AP3S2: variants seen among roughly 807,000 people sequenced by gnomAD.
AP3S2 encodes AP-3 complex subunit sigma-2.
In AP3S2, 22 loss-of-function variants were observed where a neutral mutation model predicts 23.4. That is an observed-to-expected ratio of 0.94 (90% CI 0.67 to 1.34). AP3S2 has a LOEUF of 1.34. AP3S2 is among the 40% of genes most tolerant of loss of function. The probability of loss-of-function intolerance (pLI) is 0.00; values close to 1 mark genes in which losing one functional copy is unlikely to be tolerated. For synonymous variants in AP3S2, 86 were observed against 87.1 expected (o/e 0.99, Z 0.07); for missense variants, 241 against 236.9 (o/e 1.02, Z -0.11).
At chr15:89,849,211 A>G (rs907908933) in intron 4 of AP3S2, among the ~76,000 whole-genome samples, 1 of 152,214 alleles carries the variant, frequency 6.6e-6, no homozygotes, top group Admixed American at 6.5e-5. Flanking sequence ...TATGCATGAA[A>G]GAGACATTAA....
intron 5 of AP3S2, among the ~76,000 whole-genome samples, chr15:89,836,844 A>C (rs568364224): frequency 2.0e-5 from 3 of 152,244 alleles, no homozygotes; most frequent in Non-Finnish European, 2.9e-5. Context: ...CTTCTTCCAC[A>C]GGACTGCCAG....
At chr15:89,872,513 GTATC>G (rs1390687598) in intron 3 of AP3S2, among the ~76,000 whole-genome samples, 1 of 152,102 alleles carries the variant, frequency 6.6e-6, no homozygotes, top group Non-Finnish European at 1.5e-5. Flanking sequence ...TACAACCTAG[GTATC>G]TATCTATAAC....
intron 4 of AP3S2, among the ~76,000 whole-genome samples, chr15:89,839,033 G>T (rs1895262341): frequency 6.6e-6 from 1 of 152,092 alleles, no homozygotes; most frequent in South Asian, 2.1e-4. Context: ...TGTCACTGTG[G>T]CCTGTTCTCT....
intron 4 of AP3S2, among the ~76,000 whole-genome samples, chr15:89,857,234 G>C (rs1331725205): frequency 6.6e-6 from 1 of 152,118 alleles, no homozygotes. Flanking sequence ...CATCCACCTC[G>C]GCCTCCCAAA....
At chr15:89,885,480 G>A (rs1354453774) in intron 3 of AP3S2, among the ~76,000 whole-genome samples, 2 of 152,198 alleles carry the variant, frequency 1.3e-5, no homozygotes, top group Non-Finnish European at 2.9e-5. Flanking sequence ...TAGGATTACA[G>A]GCATGTGCCA....
chr15:89,842,329 G>A (rs1339056628), intron 4 of AP3S2, among the ~76,000 whole-genome samples: 1 of 152,182 alleles, frequency 6.6e-6, no homozygotes, highest in African/African-American at 2.4e-5. Flanking sequence ...GTAAAGATAT[G>A]TTCATAAAGA....
intron 3 of AP3S2, 61 bp downstream of exon 3, chr15:89,888,460 T>C: frequency 6.5e-7 from 1 of 1,532,068 alleles, no homozygotes; most frequent in Non-Finnish European, 9.0e-7. Flanking sequence ...ACAGGCTGGT[T>C]ACTCAAAAAT....
chr15:89,877,429 G>A, intron 3 of AP3S2: 1 of 1,279,936 alleles, frequency 7.8e-7, no homozygotes, highest in Non-Finnish European at 1.0e-6. Context: ...TTTAAGCTGT[G>A]GTAAAATACA....
intron 1 of AP3S2, among the ~76,000 whole-genome samples, chr15:89,892,305 CTAAAATTGAT>C (rs1323757510): frequency 2.6e-5 from 4 of 152,092 alleles, no homozygotes; most frequent in African/African-American, 9.7e-5. Flanking sequence ...TGAAAATGAT[CTAAAATTGAT>C]TGTGGTGATG....
intron 4 of AP3S2, among the ~76,000 whole-genome samples, chr15:89,858,373 G>A (rs1165786462): frequency 1.3e-5 from 2 of 151,684 alleles, no homozygotes; most frequent in Non-Finnish European, 2.9e-5. Context: ...CCCAGGAGGT[G>A]GAGGTTGCAG....
At chr15:89,851,640 C>G (rs1281270004) in intron 4 of AP3S2, among the ~76,000 whole-genome samples, 1 of 152,134 alleles carries the variant, frequency 6.6e-6, no homozygotes, top group Non-Finnish European at 1.5e-5. Context: ...CCCAACTCAA[C>G]TTCTTTTTTA....
At chr15:89,873,720 T>C (rs1384405417) in intron 3 of AP3S2, among the ~76,000 whole-genome samples, 1 of 152,166 alleles carries the variant, frequency 6.6e-6, no homozygotes, top group Non-Finnish European at 1.5e-5. Flanking sequence ...TTTTTATTTC[T>C]AAGAGACCAT....
chr15:89,856,330 A>G (rs1224756993), intron 4 of AP3S2, among the ~76,000 whole-genome samples: 1 of 152,224 alleles, frequency 6.6e-6, no homozygotes, highest in Non-Finnish European at 1.5e-5. Flanking sequence ...TGGGAGGCTG[A>G]GGAGGATGGA....
At position 89,871,544 on chromosome 15, in the gene AP3S2, A is replaced by C; in HGVS notation, c.276T>G (p.Val92=). The C allele has an allele frequency of 6.2e-7, 1 of 1,613,122 alleles. No individual in the cohort carries two copies. The highest frequency in any genetic ancestry group is 8.5e-7 in the Non-Finnish European group (1 of 1,179,742). ...SELGILDLIQ[V]FVETLDKCFE... ...AACACTTATCCAGAGTTTCCACAAA[A>C]ACCTAGAAAACAAGGAGAAATAGAT... is the stretch of plus-strand genomic sequence containing the variant. The change falls in exon 4 of 6, where the codon GTT becomes GTG. Residue 92 remains valine (V), a splice_region_variant and synonymous_variant. Transcript: ENST00000336418.
At chr15:89,838,107 T>G (rs1895240155) in intron 4 of AP3S2, 1 of 178,094 alleles carries the variant, frequency 5.6e-6, no homozygotes, top group African/African-American at 2.4e-5. Flanking sequence ...CCTAGCCTGG[T>G]GCCCAGGACA....
chr15:89,845,215 TTTC>T (rs1382367690), intron 4 of AP3S2: 18 of 152,148 alleles, frequency 1.2e-4, no homozygotes, highest in Admixed American at 1.1e-3. Flanking sequence ...CCAGAATAAT[TTTC>T]TTTTCTCCCT....
chr15:89,882,912 C>T lies in AP3S2; in HGVS notation c.273+5609G>A, dbSNP rs117299520. Among the ~76,000 whole-genome samples the T allele has an allele frequency of 2.8e-4, 42 of 152,290 alleles. 1 individual carries two copies. In the East Asian group the frequency reaches 6.4e-3, roughly 23 times the overall value. On this transcript the variant is annotated intron_variant, in intron 3 of 5. Coordinates refer to ENST00000336418, the MANE Select transcript of AP3S2 (RefSeq NM_005829.5). ...TACTGAGTTCTATAAACTCTCCTGA[C>T]GGAATTATACTTGGTTTTCCATTTG...
chr15:89,841,275 A>C (rs1895324558), intron 4 of AP3S2, among the ~76,000 whole-genome samples: 2 of 152,240 alleles, frequency 1.3e-5, no homozygotes, highest in African/African-American at 4.8e-5. Flanking sequence ...AGAAGAAATA[A>C]AAATGCAAAC....
At chr15:89,854,532 C>T (rs1596197161) in intron 4 of AP3S2, among the ~76,000 whole-genome samples, 1 of 88,618 alleles carries the variant, frequency 1.1e-5, no homozygotes, top group East Asian at 3.7e-4. Context: ...GGGGGGTCAG[C>T]CCCCCGCCCG....
Sources: allele counts gnomAD v4.1 joint callset (sites outside exome capture counted in the v4.1 genomes callset), GRCh38; gene constraint gnomAD v4.1.1; transcripts MANE v1.5; gene names NCBI Gene and HGNC (gene_info 2026-07-23, HGNC 2026-07-21).